Variants in SLC44A5 observed in about 807,000 individuals in gnomAD.
SLC44A5 encodes the protein choline transporter-like protein 5.
A neutral mutation model predicts 101.8 loss-of-function variants in SLC44A5; 57 were observed. The observed-to-expected ratio is 0.56, with a 90% CI of 0.45 to 0.70. The LOEUF is 0.70. Ranked by LOEUF, SLC44A5 falls within the 30% of genes least tolerant of loss-of-function variation. The pLI is 0.00. For synonymous variants in SLC44A5, 281 were observed against 290.9 expected (o/e 0.97, Z 0.35); for missense variants, 737 against 853.1 (o/e 0.86, Z 1.70).
At chr1:75,655,587 A>C in the SLC44A5 span, among the ~76,000 whole-genome samples, 1 of 152,312 alleles carries the variant, frequency 6.6e-6, no homozygotes, top group South Asian at 2.1e-4. Flanking sequence ...CAGCTTTGGC[A>C]GCCATGGGAG....
At chr1:75,237,910 G>A (rs114055025) in intron 10 of SLC44A5, among the ~76,000 whole-genome samples, 13 of 150,976 alleles carry the variant, frequency 8.6e-5, no homozygotes, top group African/African-American at 1.9e-4. Context: ...GCAATGCAGC[G>A]ATATGCTGTA....
intron 5 of SLC44A5, among the ~76,000 whole-genome samples, chr1:75,287,772 T>C (rs1653192028): frequency 6.6e-6 from 1 of 151,948 alleles, no homozygotes; most frequent in South Asian, 2.1e-4. Flanking sequence ...TACTGGGGAG[T>C]GTCTATGAAC....
At chr1:75,320,741 A>G (rs551903754) in intron 4 of SLC44A5, among the ~76,000 whole-genome samples, 28 of 152,326 alleles carry the variant, frequency 1.8e-4, no homozygotes, top group Non-Finnish European at 3.5e-4. Flanking sequence ...TTAAAGAGGT[A>G]CGTGACCTAA....
intron 1 of SLC44A5, among the ~76,000 whole-genome samples, chr1:75,558,091 CA>C (rs547431131): frequency 2.5e-3 from 381 of 152,170 alleles, no homozygotes; most frequent in African/African-American, 8.8e-3. Flanking sequence ...ATAACTGCTA[CA>C]GTAAATTTAT....
At chr1:75,635,198 TAC>T in the SLC44A5 span, among the ~76,000 whole-genome samples, 1 of 151,492 alleles carries the variant, frequency 6.6e-6, no homozygotes, top group Non-Finnish European at 1.5e-5. Context: ...GGAACACTTT[TAC>T]ACTGTTGGTG....
intron 2 of SLC44A5, among the ~76,000 whole-genome samples, chr1:75,399,581 T>C (rs557561693): frequency 1.6e-4 from 25 of 152,152 alleles, no homozygotes; most frequent in Admixed American, 1.4e-3. Context: ...TGGGGGACAA[T>C]TGGGGCAATC....
At chr1:75,274,833 G>C in intron 6 of SLC44A5, 125 bp downstream of exon 6, 2 of 726,738 alleles carry the variant, frequency 2.8e-6, no homozygotes, top group Non-Finnish European at 4.6e-6. Flanking sequence ...TTAGAAAAAA[G>C]GGAGGGAAGG....
At position 75,292,911 on chromosome 1, in the gene SLC44A5, T is replaced by C. The variant is rs139666301; in HGVS notation, c.175+7701A>G. 5.3e-5 allele frequency among the ~76,000 whole-genome samples: 8 copies of C among 152,348 alleles called. No homozygotes were observed. The East Asian group carries it at 9.6e-4, about 18-fold the overall frequency. On this transcript the variant is annotated intron_variant, in intron 5 of 23. Transcript: ENST00000370859. ...GTGTAGTGTTCAAGAGCACAGGCTC[T>C]AGAATTAAATTACTTGGGTTACGTT...
At chr1:75,576,309 C>T (rs1257578031) in intron 1 of SLC44A5, among the ~76,000 whole-genome samples, 3 of 151,386 alleles carry the variant, frequency 2.0e-5, no homozygotes, top group African/African-American at 4.9e-5. Context: ...TATAAATGTT[C>T]CTTTTTTTTT....
intron 2 of SLC44A5, among the ~76,000 whole-genome samples, chr1:75,471,791 C>T (rs1667126506): frequency 6.6e-6 from 1 of 151,858 alleles, no homozygotes; most frequent in Non-Finnish European, 1.5e-5. Context: ...CTACCTATGC[C>T]TAGAGAAGAT....
rs1207802694 is a variant in SLC44A5 at position 75,241,987 on chromosome 1, T to C, written c.532+14A>G. 4.4e-6 allele frequency: 7 copies of C among 1,606,614 alleles called. No homozygotes were observed. The Admixed American group carries it at 6.7e-5, about 15-fold the overall frequency. On this transcript the variant is annotated intron_variant, in intron 9 of 23. Transcript: ENST00000370859. ...TAGATCCTATGTTTCTAAGGTAAAA[T>C]AGTTGCCACTTACAAGGTTTGCTGG...
At chr1:75,385,635 A>T (rs1292974960) in intron 3 of SLC44A5, among the ~76,000 whole-genome samples, 1 of 152,188 alleles carries the variant, frequency 6.6e-6, no homozygotes, top group Admixed American at 6.5e-5. Context: ...AGGTATAAGG[A>T]TGAGCTGCTA....
chr1:75,227,690 T>C, intron 13 of SLC44A5, 36 bp downstream of exon 13: 2 of 1,507,754 alleles, frequency 1.3e-6, no homozygotes, highest in Non-Finnish European at 1.8e-6. Flanking sequence ...TTCTCATTAT[T>C]ACAATTTTAA....
upstream of SLC44A5, chr1:75,616,031 T>C (rs1185043761): frequency 2.8e-6 from 1 of 355,996 alleles, no homozygotes; most frequent in Admixed American, 6.5e-5. Flanking sequence ...GCGGCCGGGC[T>C]GCGCGCTCAG....
chr1:75,261,994 CA>C (rs2100693947), intron 6 of SLC44A5, among the ~76,000 whole-genome samples: 2 of 151,662 alleles, frequency 1.3e-5, no homozygotes, highest in African/African-American at 4.9e-5. Context: ...GAACGTATCT[CA>C]AAATAAGAGC....
intron 1 of SLC44A5, among the ~76,000 whole-genome samples, chr1:75,553,412 T>C (rs1326989517): frequency 6.6e-6 from 1 of 152,246 alleles, no homozygotes; most frequent in Non-Finnish European, 1.5e-5. Context: ...TTTTGAGGTT[T>C]AATATATAAC....
chr1:75,451,584 G>C (rs1279231337), intron 2 of SLC44A5, among the ~76,000 whole-genome samples: 1 of 152,064 alleles, frequency 6.6e-6, no homozygotes, highest in African/African-American at 2.4e-5. Flanking sequence ...AGCATCTCCA[G>C]ATGAGAAGCA....
chr1:75,688,944 GT>G, the SLC44A5 span, among the ~76,000 whole-genome samples: 1 of 152,082 alleles, frequency 6.6e-6, no homozygotes, highest in Non-Finnish European at 1.5e-5. Flanking sequence ...ACATCCTATG[GT>G]GCTAACCCTT....
chr1:75,579,887 A>G (rs1389465319), intron 1 of SLC44A5, among the ~76,000 whole-genome samples: 1 of 151,746 alleles, frequency 6.6e-6, no homozygotes, highest in African/African-American at 2.4e-5. Context: ...AGATTTTTTA[A>G]AAAAGTAATT....
Sources: gnomAD v4.1 joint callset for allele counts (sites outside exome capture counted in the v4.1 genomes callset) on GRCh38, gnomAD v4.1.1 for gene constraint, MANE v1.5 for transcripts, NCBI Gene and HGNC (gene_info 2026-07-23, HGNC 2026-07-21) for gene names.